The following NTM variants were observed in gnomAD, a reference collection of about 807,000 sequenced individuals.
The protein encoded by NTM is IgLON family member 2.
NTM carries 13 observed loss-of-function variants against 42.1 expected under a neutral mutation model. That is an observed-to-expected ratio of 0.31 (90% CI 0.20 to 0.49). The LOEUF (loss-of-function observed/expected upper bound fraction) is 0.49. NTM is among the 20% of genes least tolerant of loss of function. The pLI is 0.99. For synonymous variants in NTM, 187 were observed against 179.2 expected (o/e 1.04, Z -0.35); for missense variants, 373 against 452.8 (o/e 0.82, Z 1.60).
chr11:132,131,752 G>C (rs1177483202), intron 2 of NTM, among the ~76,000 whole-genome samples: 1 of 152,174 alleles, frequency 6.6e-6, no homozygotes, highest in African/African-American at 2.4e-5. Context: ...AAACAGATTT[G>C]TTAGAAAGGT....
intron 1 of NTM, among the ~76,000 whole-genome samples, chr11:131,482,969 T>C (rs1241546271): frequency 6.6e-6 from 1 of 152,230 alleles, no homozygotes; most frequent in Non-Finnish European, 1.5e-5. Context: ...GGAAAGTTAA[T>C]TTTAAGAAGT....
At chr11:131,694,253 G>A (rs1290455698) in intron 1 of NTM, among the ~76,000 whole-genome samples, 1 of 152,200 alleles carries the variant, frequency 6.6e-6, no homozygotes. Context: ...TAGTGAGAAT[G>A]TAAGTAATAG....
chr11:131,526,839 T>C (rs1470403298), intron 1 of NTM, among the ~76,000 whole-genome samples: 1 of 152,222 alleles, frequency 6.6e-6, no homozygotes, highest in Non-Finnish European at 1.5e-5. Flanking sequence ...TGCATGGGTG[T>C]GGTCACAAAA....
At chr11:131,789,550 GAAGAAGAAGAAGAAGAAGAAGAAGA>G (rs2090285916) in intron 1 of NTM, among the ~76,000 whole-genome samples, 1 of 6,934 alleles carries the variant, frequency 1.4e-4, no homozygotes, top group African/African-American at 7.1e-4. Context: ...AAGAAGAAAA[GAAGAAGAAGAAGAAGAAGAAGAAGA>G]AGAAGAAGAA....
chr11:131,452,614 GC>G (rs1405347513), intron 1 of NTM, among the ~76,000 whole-genome samples: 3 of 152,186 alleles, frequency 2.0e-5, no homozygotes, highest in African/African-American at 4.8e-5. Context: ...TGTTTGGAGA[GC>G]CACTATCGAC....
At chr11:131,883,824 G>T (rs756409282) in intron 1 of NTM, among the ~76,000 whole-genome samples, 1 of 152,130 alleles carries the variant, frequency 6.6e-6, no homozygotes, top group Non-Finnish European at 1.5e-5. Context: ...CCCCCTAAAA[G>T]TAGAAAGGGC....
At chr11:131,751,441 T>A (rs1311698219) in intron 1 of NTM, among the ~76,000 whole-genome samples, 2 of 151,746 alleles carry the variant, frequency 1.3e-5, no homozygotes, top group African/African-American at 4.8e-5. Context: ...ATACAAAAAA[T>A]TAGCCGGGCG....
chr11:132,178,031 G>C (rs539165700), intron 3 of NTM, among the ~76,000 whole-genome samples: 1 of 152,290 alleles, frequency 6.6e-6, no homozygotes, highest in African/African-American at 2.4e-5. Flanking sequence ...CAGGAGTTTT[G>C]CTGAATCGCT....
At chr11:131,567,109 A>G (rs1307139292) in intron 1 of NTM, among the ~76,000 whole-genome samples, 1 of 152,022 alleles carries the variant, frequency 6.6e-6, no homozygotes, top group Non-Finnish European at 1.5e-5. Context: ...TATTTCACCT[A>G]AGGAACATGT....
intron 1 of NTM, among the ~76,000 whole-genome samples, chr11:131,416,384 C>G (rs1371297661): frequency 6.6e-6 from 1 of 152,176 alleles, no homozygotes; most frequent in Non-Finnish European, 1.5e-5. Flanking sequence ...TACACATTTG[C>G]TGCGTTACAG....
intron 1 of NTM, among the ~76,000 whole-genome samples, chr11:131,503,209 C>T (rs570994092): frequency 6.6e-6 from 1 of 152,270 alleles, no homozygotes; most frequent in East Asian, 1.9e-4. Flanking sequence ...GAGCTGATGT[C>T]CTGTGCCTGG....
intron 1 of NTM, among the ~76,000 whole-genome samples, chr11:131,617,552 C>T (rs550404324): frequency 2.0e-5 from 3 of 152,160 alleles, no homozygotes; most frequent in South Asian, 2.1e-4. Flanking sequence ...ATGAGGCAAG[C>T]GTGTGCTCAA....
chr11:131,911,186 C>T (rs1339028905), intron 1 of NTM: 2 of 1,354,012 alleles, frequency 1.5e-6, no homozygotes, highest in Non-Finnish European at 1.9e-6. Context: ...TTTCACCTGC[C>T]GCGCGCTTCC....
chr11:131,694,321 A>G (rs2075160730), intron 1 of NTM, among the ~76,000 whole-genome samples: 1 of 152,138 alleles, frequency 6.6e-6, no homozygotes, highest in South Asian at 2.1e-4. Flanking sequence ...GCTACAGACC[A>G]TTTTCATTCA....
chr11:132,261,891 AAGGTGGGT>A (rs2092880818), intron 4 of NTM, among the ~76,000 whole-genome samples: 1 of 152,354 alleles, frequency 6.6e-6, no homozygotes, highest in South Asian at 2.1e-4. Context: ...CCATAAAGCC[AAGGTGGGT>A]GACTGGGTTG....
intron 1 of NTM, among the ~76,000 whole-genome samples, chr11:131,499,799 C>T (rs749355781): frequency 6.6e-6 from 1 of 152,244 alleles, no homozygotes; most frequent in South Asian, 2.1e-4. Flanking sequence ...GGTTCCCCTT[C>T]ACCCGCGTCA....
intron 2 of NTM, among the ~76,000 whole-genome samples, chr11:132,141,857 G>T (rs1355623648): frequency 6.6e-6 from 1 of 152,284 alleles, no homozygotes; most frequent in East Asian, 1.9e-4. Context: ...GTCCACGGGG[G>T]CCACACACAG....
At chr11:131,677,709 G>A (rs556049664) in intron 1 of NTM, among the ~76,000 whole-genome samples, 2 of 152,344 alleles carry the variant, frequency 1.3e-5, no homozygotes, top group South Asian at 2.1e-4. Context: ...TGAGCAATAT[G>A]TTAAGATGCA....
At chr11:131,427,010 G>T (rs147708607) in intron 1 of NTM, among the ~76,000 whole-genome samples, 9 of 152,188 alleles carry the variant, frequency 5.9e-5, no homozygotes, top group East Asian at 5.8e-4. Flanking sequence ...GGAGGGCAAT[G>T]GTTCTGGTGG....
Sources: allele counts gnomAD v4.1 joint callset (sites outside exome capture counted in the v4.1 genomes callset), GRCh38; gene constraint gnomAD v4.1.1; transcripts MANE v1.5; gene names NCBI Gene and HGNC (gene_info 2026-07-23, HGNC 2026-07-21).